C2CD5: variants seen among roughly 807,000 people sequenced by gnomAD.
C2CD5 encodes the protein C2 calcium dependent domain containing 5, also known as C2 domain-containing protein 5.
In C2CD5, 109 loss-of-function variants were observed where a neutral mutation model predicts 130.3. The ratio of observed to expected loss-of-function variants is 0.84; its 90% CI spans 0.72 to 0.98. The LOEUF is 0.98. Ranked by LOEUF, C2CD5 falls within the 50% of genes least tolerant of loss-of-function variation. The pLI, the probability that C2CD5 is intolerant of heterozygous loss-of-function variation, is 0.00. For missense variants in C2CD5, 996 were observed against 1,261.8 expected, an observed-to-expected ratio of 0.79 and a Z score of 3.19; for synonymous variants, 454 against 429.2, an observed-to-expected ratio of 1.06 and a Z score of -0.71.
At chr12:22,498,917 TG>T (rs944617238) in intron 10 of C2CD5, among the ~76,000 whole-genome samples, 1 of 152,032 alleles carries the variant, frequency 6.6e-6, no homozygotes, top group Non-Finnish European at 1.5e-5. Context: ...TGCCACTTCC[TG>T]AAAAAAAATC....
intron 22 of C2CD5, 64 bp from the exon 23 acceptor site, chr12:22,459,606 T>C: frequency 3.0e-6 from 3 of 1,011,622 alleles, no homozygotes; most frequent in Non-Finnish European, 3.0e-6. Context: ...CTCTTCTTTG[T>C]TATTTGTTAA....
Position 22,470,841 on chromosome 12 carries a change from T to C in C2CD5, c.2429A>G (p.Glu810Gly). The change falls in exon 21 of 27, where the codon GAA becomes GGA. Residue 810 changes from glutamate (E) to glycine (G), a missense_variant. By Grantham distance (98) the Glu-to-Gly change is moderately conservative. This residue lies in a region of C2CD5 where 590 missense variants were observed against 631.4 expected (regional missense o/e 0.93). Transcript: ENST00000446597. ...QALQTTKTPV[E>G]KSLQRASTDN... is the part of the protein sequence containing the mutation. ...AGATTTACCTCTTTGCAATGACTTT[T>C]CAACAGGGGTTTTTGTGGTTTGTAA... is the stretch of plus-strand genomic sequence containing the variant. 1 of 1,610,304 alleles carries C rather than the reference T, an allele frequency of 6.2e-7. No individual in the cohort carries two copies. The highest frequency in any genetic ancestry group is 1.1e-5 in the South Asian group (1 of 90,946).
At chr12:22,533,115 T>C (rs902151534) in intron 3 of C2CD5, among the ~76,000 whole-genome samples, 1 of 152,022 alleles carries the variant, frequency 6.6e-6, no homozygotes, top group South Asian at 2.1e-4. Context: ...AGGGAAAACA[T>C]TGCTGGCACA....
At chr12:22,465,034 A>T (rs1350071510) in intron 22 of C2CD5, among the ~76,000 whole-genome samples, 1 of 152,194 alleles carries the variant, frequency 6.6e-6, no homozygotes, top group East Asian at 1.9e-4. Context: ...AACAAAGAAA[A>T]AGTAACTCTT....
chr12:22,526,595 G>A (rs1950738372), intron 4 of C2CD5, among the ~76,000 whole-genome samples: 1 of 152,112 alleles, frequency 6.6e-6, no homozygotes, highest in Non-Finnish European at 1.5e-5. Context: ...TTCCAAGCCA[G>A]GAGTAGTGGC....
chr12:22,496,296 A>G (rs1002408108), intron 10 of C2CD5, among the ~76,000 whole-genome samples: 3 of 152,116 alleles, frequency 2.0e-5, no homozygotes, highest in South Asian at 4.1e-4. Context: ...TTAAAAACTG[A>G]TAACTACAGT....
chr12:22,489,320 A>G (rs774782600), intron 12 of C2CD5, among the ~76,000 whole-genome samples: 2 of 151,578 alleles, frequency 1.3e-5, no homozygotes, highest in Admixed American at 6.6e-5. Flanking sequence ...ATATGTGTAT[A>G]TATATATATA....
At chr12:22,471,562 A>C in intron 19 of C2CD5, 74 bp from the exon 20 acceptor site, 1 of 775,090 alleles carries the variant, frequency 1.3e-6, no homozygotes, top group Non-Finnish European at 2.0e-6. Flanking sequence ...TTTAATGTAC[A>C]TTATATTATA....
Position 22,525,791 on chromosome 12 carries a change from A to T in C2CD5, c.350-86T>A, listed in dbSNP as rs533932096. The stretch of plus-strand genomic sequence containing the variant: ...TGAAGCAAATTAATGCTAAATAATG[A>T]TTTTAAAATACAATGATTTAACTCA... On this transcript the variant is annotated intron_variant, in intron 4 of 26. Transcript: ENST00000446597. The T allele has an allele frequency of 6.1e-5, 45 of 741,890 alleles. No individual in the cohort carries two copies. The East Asian group carries it at 1.0e-3, about 17-fold the overall frequency. 46.0% of individuals were successfully genotyped at this position (741,890 alleles called of 1,614,324 possible).
intron 26 of C2CD5, among the ~76,000 whole-genome samples, chr12:22,451,600 T>C (rs994045662): frequency 6.6e-6 from 1 of 152,108 alleles, no homozygotes; most frequent in African/African-American, 2.4e-5. Context: ...TTTCTACTTA[T>C]AGCCTCATAC....
chr12:22,505,000 T>A lies in C2CD5; in HGVS notation c.1147+1711A>T, dbSNP rs1170746956. 5.9e-5 allele frequency among the ~76,000 whole-genome samples: 9 copies of A among 152,242 alleles called. 1 individual carries two copies. In the South Asian group the frequency reaches 1.7e-3, roughly 28 times the overall value. The stretch of plus-strand genomic sequence containing the variant: ...GAAGGGGAAAAAAAGAGAAAACCAG[T>A]GCTTAGAAGATGCATTTGCCCAGTT... On this transcript the variant is annotated intron_variant, in intron 10 of 26. Coordinates refer to ENST00000446597, the MANE Select transcript of C2CD5 (RefSeq NM_001286176.2).
chr12:22,472,581 T>G (rs1004704680), intron 17 of C2CD5, 163 bp downstream of exon 17: 1 of 655,704 alleles, frequency 1.5e-6, no homozygotes, highest in South Asian at 1.8e-5. Flanking sequence ...CTAACATAAG[T>G]ATTTTTAAGG....
In C2CD5 at chr12:22,544,223, C is replaced by A; in HGVS notation, c.-29-44G>T. 5 of 1,498,340 alleles carry A rather than the reference C, an allele frequency of 3.3e-6. No homozygotes were observed. The East Asian group carries it at 9.4e-5, about 28-fold the overall frequency. 92.8% of individuals were successfully genotyped at this position (1,498,340 alleles called of 1,614,324 possible). On this transcript the variant is annotated intron_variant, in intron 1 of 26. Transcript: ENST00000446597. ...GAGTCTGCGCCGAGCGCGGGGCCGG[C>A]GGGAGAGGGGCGGAGGCGCGCGGGG...
chr12:22,536,428 G>T (rs942910154), intron 2 of C2CD5, among the ~76,000 whole-genome samples: 7 of 151,960 alleles, frequency 4.6e-5, no homozygotes, highest in African/African-American at 1.7e-4. Context: ...CAGAATCCTA[G>T]GTTTGCTACC....
intron 15 of C2CD5, chr12:22,477,341 T>G (rs1943989905): frequency 6.6e-6 from 1 of 152,126 alleles, no homozygotes; most frequent in Non-Finnish European, 1.5e-5. Flanking sequence ...TAATGAATAG[T>G]GCAGCTGTAG....
At chr12:22,455,158 T>C (rs1396653053) in intron 25 of C2CD5, among the ~76,000 whole-genome samples, 1 of 152,130 alleles carries the variant, frequency 6.6e-6, no homozygotes, top group Non-Finnish European at 1.5e-5. Context: ...TATAAAGATA[T>C]CTCTTTTTGT....
At chr12:22,489,432 T>C (rs1375853853) in intron 12 of C2CD5, among the ~76,000 whole-genome samples, 2 of 151,856 alleles carry the variant, frequency 1.3e-5, no homozygotes, top group East Asian at 3.9e-4. Context: ...CCCACAAAAT[T>C]CCAAAAAGCA....
At chr12:22,519,155 A>C in intron 7 of C2CD5, 2 of 1,535,586 alleles carry the variant, frequency 1.3e-6, no homozygotes, top group South Asian at 2.4e-5. Flanking sequence ...AGAAGTTCTG[A>C]GTAAGTCGTG....
intron 2 of C2CD5, among the ~76,000 whole-genome samples, chr12:22,537,706 G>T (rs761081229): frequency 2.6e-5 from 4 of 152,116 alleles, no homozygotes; most frequent in African/African-American, 4.8e-5. Flanking sequence ...AAGTGGGATT[G>T]TAAGTGAGCA....
Sources: gnomAD v4.1 joint callset for allele counts (sites outside exome capture counted in the v4.1 genomes callset) on GRCh38, gnomAD v4.1.1 for gene constraint, gnomAD v4.1.1 regional missense constraint, MANE v1.5 for transcripts, NCBI Gene and HGNC (gene_info 2026-07-23, HGNC 2026-07-21) for gene names.